Variants in DEPTOR observed in about 807,000 individuals in gnomAD.
The protein encoded by DEPTOR is DEP domain-containing mTOR-interacting protein.
In DEPTOR, 41 loss-of-function variants were observed where a neutral mutation model predicts 41.6. The ratio of observed to expected loss-of-function variants is 0.98; its 90% confidence interval spans 0.77 to 1.28. The LOEUF (loss-of-function observed/expected upper bound fraction) is 1.28, where lower values mean the gene tolerates loss of function less well. Among genes scored for constraint, DEPTOR ranks in the 50% most tolerant of loss-of-function variants. The pLI, the probability that DEPTOR is intolerant of heterozygous loss-of-function variation, is 0.00. For missense variants in DEPTOR, 514 were observed against 527.9 expected, an observed-to-expected ratio of 0.97 and a Z score of 0.26; for synonymous variants, 195 against 192.3, an observed-to-expected ratio of 1.01 and a Z score of -0.12.
chr8:120,003,110 C>A lies in DEPTOR; in HGVS notation c.924C>A (p.Ser308=), dbSNP rs145863430. 16 of 1,611,472 alleles carry A rather than the reference C, an allele frequency of 9.9e-6. No homozygotes were observed. In the African/African-American group the frequency reaches 2.1e-4, roughly 22 times the overall value. Residue 308 remains serine, a splice_region_variant and synonymous_variant, in exon 6 of 9, where the codon TCC becomes TCA. Coordinates refer to ENST00000286234, the MANE Select transcript of DEPTOR (RefSeq NM_022783.4). ...CCCCTGTGCTCTGCAACCCCAAGTCCGGTGAGTGCCCAAAAGGTGGCCCCG... is the reference window on the plus strand; with the variant it reads ...CCCCTGTGCTCTGCAACCCCAAGTCAGGTGAGTGCCCAAAAGGTGGCCCCG... ...SSPPVLCNPK[S]VLKRPVTSEE...
chr8:119,974,821 CATT>C (rs2129999470), intron 4 of DEPTOR, among the ~76,000 whole-genome samples: 1 of 151,752 alleles, frequency 6.6e-6, no homozygotes, highest in East Asian at 1.9e-4. Context: ...GCTTAAATAC[CATT>C]ATTCCCTGAA....
intron 4 of DEPTOR, among the ~76,000 whole-genome samples, chr8:119,981,638 G>C (rs1586643342): frequency 7.5e-6 from 1 of 133,416 alleles, no homozygotes; most frequent in African/African-American, 2.8e-5. Context: ...AAGCAACAGA[G>C]CAAGACCCTA....
intron 3 of DEPTOR, among the ~76,000 whole-genome samples, chr8:119,946,006 G>T (rs919475321): frequency 6.6e-6 from 1 of 152,284 alleles, no homozygotes; most frequent in Admixed American, 6.5e-5. Context: ...GCAAACCAAG[G>T]CTCCCTCGGT....
intron 1 of DEPTOR, among the ~76,000 whole-genome samples, chr8:119,913,965 G>C (rs1404342191): frequency 6.6e-6 from 1 of 151,734 alleles, no homozygotes; most frequent in African/African-American, 2.4e-5. Context: ...AAATCATGAG[G>C]CTTCCTAGTT....
intron 3 of DEPTOR, among the ~76,000 whole-genome samples, chr8:119,947,685 T>C (rs1245530019): frequency 6.6e-6 from 1 of 152,206 alleles, no homozygotes; most frequent in Non-Finnish European, 1.5e-5. Context: ...GCGTATCCAG[T>C]ATGTGCCTGA....
intron 8 of DEPTOR, among the ~76,000 whole-genome samples, chr8:120,042,747 T>G (rs1395521516): frequency 1.3e-5 from 2 of 152,136 alleles, no homozygotes; most frequent in African/African-American, 4.8e-5. Flanking sequence ...CTCGAACTCC[T>G]GACCTCAGAT....
chr8:119,965,188 C>G, intron 3 of DEPTOR, 44 bp from the exon 4 acceptor site: 1 of 1,560,330 alleles, frequency 6.4e-7, no homozygotes, highest in Non-Finnish European at 8.6e-7. Context: ...AGCTGTTTTC[C>G]TTTCGTATAG....
chr8:120,009,478 T>G (rs1262338073), intron 8 of DEPTOR, among the ~76,000 whole-genome samples: 1 of 152,104 alleles, frequency 6.6e-6, no homozygotes, highest in Non-Finnish European at 1.5e-5. Flanking sequence ...CCGGGCGTGG[T>G]GGCACACACC....
At chr8:119,950,720 G>A (rs1293638205) in intron 3 of DEPTOR, among the ~76,000 whole-genome samples, 1 of 151,972 alleles carries the variant, frequency 6.6e-6, no homozygotes, top group African/African-American at 2.4e-5. Context: ...TCAACCTCCC[G>A]AGTAGCTGGG....
Position 119,947,172 on chromosome 8 carries a change from C to T in DEPTOR, c.425+17234C>T, listed in dbSNP as rs559673048. 2.6e-5 allele frequency among the ~76,000 whole-genome samples: 4 copies of T among 152,234 alleles called. No individual in the cohort carries two copies. In the South Asian group the frequency reaches 8.3e-4, roughly 32 times the overall value. Reference sequence around the variant, plus strand: ...AGCACCCAACTGCAGTTTAGAAGTCCTAGGATGGCTTCCCTCCTGCCGCTA... The same window carrying T: ...AGCACCCAACTGCAGTTTAGAAGTCTTAGGATGGCTTCCCTCCTGCCGCTA... On this transcript the variant is annotated intron_variant, in intron 3 of 8. Transcript: ENST00000286234.
At chr8:119,974,771 CA>C (rs200822949) in intron 4 of DEPTOR, among the ~76,000 whole-genome samples, 21 of 136,638 alleles carry the variant, frequency 1.5e-4, no homozygotes, top group South Asian at 7.1e-4. Context: ...GACTCTGCCT[CA>C]AAAAAAAAAG....
At chr8:119,982,020 A>AT (rs1200961738) in intron 4 of DEPTOR, among the ~76,000 whole-genome samples, 2 of 150,800 alleles carry the variant, frequency 1.3e-5, no homozygotes, top group Non-Finnish European at 3.0e-5. Flanking sequence ...TCTCTAAAAA[A>AT]AAAAAAAAAA....
Position 120,027,718 on chromosome 8 carries a change from G to C in DEPTOR, c.1101+18585G>C, listed in dbSNP as rs372016615. 4.6e-5 allele frequency among the ~76,000 whole-genome samples: 7 copies of C among 151,134 alleles called. No homozygotes were observed. In the South Asian group the frequency reaches 1.5e-3, roughly 32 times the overall value. On this transcript the variant is annotated intron_variant, in intron 8 of 8. Transcript: ENST00000286234. ...GAGACTCCAGCTCAAAAAAAAAAAA[G>C]AGTAAATTCTAACTGTCTCATGCCA...
chr8:119,929,033 T>A (rs897344697), intron 2 of DEPTOR, among the ~76,000 whole-genome samples: 2 of 152,262 alleles, frequency 1.3e-5, no homozygotes, highest in Non-Finnish European at 2.9e-5. Flanking sequence ...CACTGTGAGC[T>A]TCATCCACAT....
chr8:119,892,748 A>G (rs1827467122), intron 1 of DEPTOR, among the ~76,000 whole-genome samples: 2 of 152,136 alleles, frequency 1.3e-5, no homozygotes, highest in Admixed American at 6.6e-5. Flanking sequence ...GCTTTAAGCC[A>G]AGAAGAGCAG....
At chr8:119,932,115 G>A (rs1828051784) in intron 3 of DEPTOR, among the ~76,000 whole-genome samples, 2 of 151,798 alleles carry the variant, frequency 1.3e-5, no homozygotes, top group South Asian at 4.2e-4. Flanking sequence ...CCAAGTAGCT[G>A]GGAGTACAGA....
Position 120,027,781 on chromosome 8 carries a change from C to T in DEPTOR, c.1101+18648C>T, listed in dbSNP as rs569114801. On this transcript the variant is annotated intron_variant, in intron 8 of 8. Coordinates refer to ENST00000286234, the MANE Select transcript of DEPTOR (RefSeq NM_022783.4). The stretch of plus-strand genomic sequence containing the variant: ...TCAGGTACTGGGCTGGAATAGAATC[C>T]TCTTATTTAAAACAAGCATAAACAA... 1.6e-4 allele frequency among the ~76,000 whole-genome samples: 24 copies of T among 152,150 alleles called. No homozygotes were observed. In the South Asian group the frequency reaches 3.5e-3, roughly 22 times the overall value.
intron 1 of DEPTOR, 195 bp downstream of exon 1, chr8:119,874,163 C>A: frequency 1.2e-6 from 1 of 850,088 alleles, no homozygotes; most frequent in Non-Finnish European, 1.7e-6. Flanking sequence ...ACTCGCTCGC[C>A]AAGCGGGGCT....
intron 4 of DEPTOR, among the ~76,000 whole-genome samples, chr8:119,987,390 C>T (rs1421848494): frequency 6.6e-6 from 1 of 152,298 alleles, no homozygotes; most frequent in Non-Finnish European, 1.5e-5. Context: ...GCTGCCTGTT[C>T]TTTCCGCTAG....
Sources: gnomAD v4.1 joint callset for allele counts (sites outside exome capture counted in the v4.1 genomes callset) on GRCh38, gnomAD v4.1.1 for gene constraint, MANE v1.5 for transcripts, NCBI Gene and HGNC (gene_info 2026-07-23, HGNC 2026-07-21) for gene names.